The following ASB18 variants were observed in gnomAD, a reference collection of about 807,000 sequenced individuals.
ASB18 encodes the protein ankyrin repeat and SOCS box protein 18.
Under a neutral mutation model 33.4 loss-of-function variants are expected in ASB18, and 33 were observed. That is an observed-to-expected ratio of 0.99 (90% CI 0.75 to 1.32). ASB18 has a LOEUF of 1.32. Ranked by LOEUF, ASB18 falls within the 40% of genes most tolerant of loss-of-function variation. The pLI is 0.00. For synonymous variants in ASB18, 295 were observed against 307.6 expected (o/e 0.96, Z 0.43); for missense variants, 694 against 655.5 (o/e 1.06, Z -0.64).
chr2:236,249,236 T>G lies in ASB18; in HGVS notation c.206-7834A>C, dbSNP rs1033376279. 1 of 152,192 alleles carries G rather than the reference T, an allele frequency of 6.6e-6. No homozygotes were observed. The highest frequency in any genetic ancestry group is 1.5e-5 in the Non-Finnish European group (1 of 68,034). 9.4% of individuals were successfully genotyped at this position (152,192 alleles called of 1,614,324 possible). On this transcript the variant is annotated intron_variant, in intron 1 of 5. Transcript: ENST00000409749. This position sits in a 1 kb window ranked among gnomAD's most constrained non-coding sequence, Gnocchi z 4.6. ...GTGCTTTGCTTCCTGGTGTTGTCCT[T>G]GATCTCTATGTTTGCTTGCATTGTG...
chr2:236,246,346 CAAAAAAAAAAAA>C (rs60064230), intron 1 of ASB18, among the ~76,000 whole-genome samples: 27 of 32,712 alleles, frequency 8.3e-4, no homozygotes, highest in African/African-American at 1.9e-3. Flanking sequence ...GACTCCATCT[CAAAAAAAAAAAA>C]AAAAAAAAAA....
rs1406397041 is a variant in ASB18 at position 236,251,059 on chromosome 2, CTAACT to C, written c.206-9662_206-9658del. ...CACAATAAGGGAGGAAACCACCTCA[CTAACT>C]TATTTTCCCGTCACTGCTACCAAGC... On this transcript the variant is annotated intron_variant, in intron 1 of 5. Transcript: ENST00000409749. This position sits in a 1 kb window ranked among gnomAD's most constrained non-coding sequence, Gnocchi z 5.3. Among the ~76,000 whole-genome samples the C allele has an allele frequency of 6.6e-6, 1 of 152,206 alleles. No individual in the cohort carries two copies. The highest frequency in any genetic ancestry group is 2.4e-5 in the African/African-American group (1 of 41,450).
In ASB18 at chr2:236,224,221, TCTAATG is replaced by T. The variant is rs1239643604; in HGVS notation, c.597-9361_597-9356del. On this transcript the variant is annotated intron_variant, in intron 3 of 5. Transcript: ENST00000409749. ...TTTTTTTTTTTTTTTTTTTAGCCATTCTAATGCATGTGAAATGGTGAATATTTATTT... is the reference window on the plus strand; with the variant it reads ...TTTTTTTTTTTTTTTTTTTAGCCATTCATGTGAAATGGTGAATATTTATTT... 2.7e-4 allele frequency among the ~76,000 whole-genome samples: 40 copies of T among 147,382 alleles called. 2 individuals are homozygous for T. The East Asian group carries it at 6.4e-3, about 24-fold the overall frequency.
intron 3 of ASB18, among the ~76,000 whole-genome samples, chr2:236,232,108 T>G (rs546675548): frequency 6.6e-6 from 1 of 152,128 alleles, no homozygotes; most frequent in Non-Finnish European, 1.5e-5. Context: ...ATATCTTGGA[T>G]CATAAAACAA....
chr2:236,247,525 C>CT (rs1300408385), intron 1 of ASB18: 1 of 151,378 alleles, frequency 6.6e-6, no homozygotes, highest in Non-Finnish European at 1.5e-5. Context: ...ATGAATAACA[C>CT]TGTTTTCTGA....
rs1017778773 is a variant in ASB18, at chr2:236,229,513, T to C, written c.596+8176A>G. ...GATGAAAAGCATATAAACCCACAGA[T>C]CCAAGATACTCAATGAATCCCAAGC... On this transcript the variant is annotated intron_variant, in intron 3 of 5. Coordinates refer to ENST00000409749, the MANE Select transcript of ASB18 (RefSeq NM_212556.4). The surrounding 1 kb of genome is among the most constrained non-coding windows in gnomAD (Gnocchi z 5.2). 1.3e-5 allele frequency among the ~76,000 whole-genome samples: 2 copies of C among 152,004 alleles called. No homozygotes were observed. Among genetic ancestry groups the C allele is most frequent in the Admixed American group, 6.6e-5 (1 of 15,260 alleles).
rs1189795109 is a variant in ASB18, at chr2:236,208,810, C to A, written c.1101+5552G>T. On this transcript the variant is annotated intron_variant, in intron 4 of 5. Transcript: ENST00000409749. The surrounding 1 kb of genome is among the most constrained non-coding windows in gnomAD (Gnocchi z 7.7). ...TACGCCAACACAGTTTAAAAATCTC[C>A]GCGGCCTCCTTGCTGTCTGCGGAGA... Among the ~76,000 whole-genome samples the A allele has an allele frequency of 6.6e-6, 1 of 152,160 alleles. No homozygotes were observed. The highest frequency in any genetic ancestry group is 1.5e-5 in the Non-Finnish European group (1 of 68,028).
In ASB18 at chr2:236,244,029, G is replaced by A. The variant is rs1576409372; in HGVS notation, c.206-2627C>T. ...TTTAGTAGAGACAGGGTTTCACCTTGTTGGCTAGGCTGGTCTCAAACTCCT... is the reference window on the plus strand; with the variant it reads ...TTTAGTAGAGACAGGGTTTCACCTTATTGGCTAGGCTGGTCTCAAACTCCT... On this transcript the variant is annotated intron_variant, in intron 1 of 5. Transcript: ENST00000409749. The surrounding 1 kb of genome is among the most constrained non-coding windows in gnomAD (Gnocchi z 6.1). Among the ~76,000 whole-genome samples, 1 of 152,190 alleles carries A rather than the reference G, an allele frequency of 6.6e-6. No individual in the cohort carries two copies. The highest frequency in any genetic ancestry group is 2.4e-5 in the African/African-American group (1 of 41,444).
chr2:236,210,017 C>G (rs889705095), intron 4 of ASB18, among the ~76,000 whole-genome samples: 3 of 152,240 alleles, frequency 2.0e-5, no homozygotes, highest in African/African-American at 7.2e-5. Flanking sequence ...TGCCCCCCAG[C>G]CAGGTGAAAC....
rs551175389 is a variant in ASB18 at position 236,258,761 on chromosome 2, C to A, written c.205+5380G>T. ...GGTGTGTTTACCCACACTCATTCCC[C>A]ACCTATACATGACGCTGGTGAGATC... On this transcript the variant is annotated intron_variant, in intron 1 of 5. Coordinates refer to ENST00000409749, the MANE Select transcript of ASB18 (RefSeq NM_212556.4). Among the ~76,000 whole-genome samples the A allele has an allele frequency of 1.3e-4, 20 of 152,288 alleles. No homozygotes were observed. The South Asian group carries it at 4.1e-3, about 32-fold the overall frequency.
chr2:236,238,912 C>T lies in ASB18; in HGVS notation c.329-956G>A, dbSNP rs943940654. 6.6e-6 allele frequency among the ~76,000 whole-genome samples: 1 copy of T among 152,172 alleles called. No individual in the cohort carries two copies. The highest frequency in any genetic ancestry group is 2.4e-5 in the African/African-American group (1 of 41,422). On this transcript the variant is annotated intron_variant, in intron 2 of 5. Transcript: ENST00000409749. The surrounding 1 kb of genome is among the most constrained non-coding windows in gnomAD (Gnocchi z 5.2). Reference sequence around the variant, plus strand: ...CCTTCCCAGGACCCATGCTGAGCAGCCTTGAAAGTCCATTCATTAATTACC... The same window carrying T: ...CCTTCCCAGGACCCATGCTGAGCAGTCTTGAAAGTCCATTCATTAATTACC...
Position 236,204,267 on chromosome 2 carries a change from T to C in ASB18, c.1102-7882A>G, listed in dbSNP as rs549350386. Among the ~76,000 whole-genome samples, 4 of 152,296 alleles carry C rather than the reference T, an allele frequency of 2.6e-5. No homozygotes were observed. In the South Asian group the frequency reaches 8.3e-4, roughly 32 times the overall value. On this transcript the variant is annotated intron_variant, in intron 4 of 5. Coordinates refer to ENST00000409749, the MANE Select transcript of ASB18 (RefSeq NM_212556.4). This position sits in a 1 kb window ranked among gnomAD's most constrained non-coding sequence, Gnocchi z 5.1. Reference sequence around the variant, plus strand: ...CCAGTGGTCCATGCTCTGCCTCACTTTACTTGCTGTGTCAGCCACGCCTGA... The same window carrying C: ...CCAGTGGTCCATGCTCTGCCTCACTCTACTTGCTGTGTCAGCCACGCCTGA...
In ASB18 at chr2:236,255,166, C is replaced by T. The variant is rs960809359; in HGVS notation, c.205+8975G>A. On this transcript the variant is annotated intron_variant, in intron 1 of 5. Coordinates refer to ENST00000409749, the MANE Select transcript of ASB18 (RefSeq NM_212556.4). The surrounding 1 kb of genome is among the most constrained non-coding windows in gnomAD (Gnocchi z 4.4). ...TTTTCTTTTTTTTCTTTCTTTGAGACGGAGTCTCATTCTGTCGCCCAGGCC... is the reference window on the plus strand; with the variant it reads ...TTTTCTTTTTTTTCTTTCTTTGAGATGGAGTCTCATTCTGTCGCCCAGGCC... 1.9e-4 allele frequency among the ~76,000 whole-genome samples: 29 copies of T among 152,122 alleles called. No homozygotes were observed. The highest frequency in any genetic ancestry group is 1.9e-4 in the Non-Finnish European group (13 of 67,992).
In ASB18 at chr2:236,211,704, T is replaced by C. The variant is rs1017347363; in HGVS notation, c.1101+2658A>G. 3.3e-5 allele frequency among the ~76,000 whole-genome samples: 5 copies of C among 152,190 alleles called. No individual in the cohort carries two copies. Among genetic ancestry groups the C allele is most frequent in the African/African-American group, 9.7e-5 (4 of 41,448 alleles). ...TTAGATGCCGTCCCTGGAGGAGCGA[T>C]TGCAGGGAGACTGGGTGGAGGAAGA... On this transcript the variant is annotated intron_variant, in intron 4 of 5. Transcript: ENST00000409749. The surrounding 1 kb of genome is among the most constrained non-coding windows in gnomAD (Gnocchi z 5.0).
chr2:236,242,614 A>G (rs1480139031), intron 1 of ASB18, among the ~76,000 whole-genome samples: 1 of 152,070 alleles, frequency 6.6e-6, no homozygotes, highest in Non-Finnish European at 1.5e-5. Flanking sequence ...GCATATCACC[A>G]CGCCCTGCTA....
intron 3 of ASB18, among the ~76,000 whole-genome samples, chr2:236,230,184 G>A (rs2060557982): frequency 6.6e-6 from 1 of 151,716 alleles, no homozygotes; most frequent in Admixed American, 6.6e-5. Context: ...GTAGAGTTAT[G>A]GGTCTAAAGT....
In ASB18 at chr2:236,253,309, CCAGGGATTT is replaced by C. The variant is rs2060676081; in HGVS notation, c.205+10823_205+10831del. On this transcript the variant is annotated intron_variant, in intron 1 of 5. Coordinates refer to ENST00000409749, the MANE Select transcript of ASB18 (RefSeq NM_212556.4). This position sits in a 1 kb window ranked among gnomAD's most constrained non-coding sequence, Gnocchi z 5.4. The stretch of plus-strand genomic sequence containing the variant: ...TTTCTCAAGCACCCGAGGTGAGGGA[CCAGGGATTT>C]TCTTTTCTGAGTCTAATTTGTTGCA... 1.3e-5 allele frequency among the ~76,000 whole-genome samples: 2 copies of C among 152,064 alleles called. No homozygotes were observed. The highest frequency in any genetic ancestry group is 1.9e-4 in the East Asian group (1 of 5,194).
At position 236,263,633 on chromosome 2, in the gene ASB18, G is replaced by A. The variant is rs2060730395; in HGVS notation, c.205+508C>T. 6.6e-6 allele frequency among the ~76,000 whole-genome samples: 1 copy of A among 152,156 alleles called. No individual in the cohort carries two copies. Among genetic ancestry groups the A allele is most frequent in the Non-Finnish European group, 1.5e-5 (1 of 68,024 alleles). Reference sequence around the variant, plus strand: ...GGATATAATCCCAAAAAAGAAAAAAGCCGTATGAATCCTAATAAAGATGTT... The same window carrying A: ...GGATATAATCCCAAAAAAGAAAAAAACCGTATGAATCCTAATAAAGATGTT... On this transcript the variant is annotated intron_variant, in intron 1 of 5. Transcript: ENST00000409749. This position sits in a 1 kb window ranked among gnomAD's most constrained non-coding sequence, Gnocchi z 4.0.
Position 236,237,530 on chromosome 2 carries a change from G to T in ASB18, c.596+159C>A, listed in dbSNP as rs1419159480. Among the ~76,000 whole-genome samples, 1 of 151,146 alleles carries T rather than the reference G, an allele frequency of 6.6e-6. No individual in the cohort carries two copies. Among genetic ancestry groups the T allele is most frequent in the Non-Finnish European group, 1.5e-5 (1 of 67,642 alleles). ...CCGGGGTAGGGACGGGGCGGATGCGGGTCTGGGGATCCAGTGGGCAGAGTC... is the reference window on the plus strand; with the variant it reads ...CCGGGGTAGGGACGGGGCGGATGCGTGTCTGGGGATCCAGTGGGCAGAGTC... On this transcript the variant is annotated intron_variant, in intron 3 of 5. Transcript: ENST00000409749. This position sits in a 1 kb window ranked among gnomAD's most constrained non-coding sequence, Gnocchi z 6.2.
Sources: gnomAD v4.1 joint callset for allele counts (sites outside exome capture counted in the v4.1 genomes callset) on GRCh38, gnomAD v4.1.1 for gene constraint, Gnocchi (gnomAD v3.1) non-coding constraint, MANE v1.5 for transcripts, NCBI Gene and HGNC (gene_info 2026-07-23, HGNC 2026-07-21) for gene names.